RNF144B: variants seen among roughly 807,000 people sequenced by gnomAD.
The protein encoded by RNF144B is E3 ubiquitin-protein ligase RNF144B.
In RNF144B, 25 loss-of-function variants were observed where a neutral mutation model predicts 40.2. That is an observed-to-expected ratio of 0.62 (90% confidence interval 0.45 to 0.87). The LOEUF is 0.87. RNF144B is among the 40% of genes least tolerant of loss of function. The pLI, the probability that RNF144B is intolerant of heterozygous loss-of-function variation, is 0.00. For synonymous variants in RNF144B, 145 were observed against 136.3 expected (o/e 1.06, Z -0.44); for missense variants, 365 against 373.7 (o/e 0.98, Z 0.19).
rs949805091 is a variant in RNF144B at position 18,412,025 on chromosome 6, A to C, written c.165+12326A>C. On this transcript the variant is annotated intron_variant, in intron 2 of 7. Transcript: ENST00000259939. This position sits in a 1 kb window ranked among gnomAD's most constrained non-coding sequence, Gnocchi z 4.2. ...TAACTGGGCCCCTCCTAAATAATGG[A>C]TTTTAAGGTTGTTTCTAGTTTTTGC... is the stretch of plus-strand genomic sequence containing the variant. 1.3e-5 allele frequency among the ~76,000 whole-genome samples: 2 copies of C among 152,104 alleles called. No individual in the cohort carries two copies. The highest frequency in any genetic ancestry group is 4.8e-5 in the African/African-American group (2 of 41,410).
rs5874640 is a variant in RNF144B at position 18,436,905 on chromosome 6, GTT to G, written c.271-2770_271-2769del. 1.0e-3 allele frequency among the ~76,000 whole-genome samples: 153 copies of G among 150,648 alleles called. No homozygotes were observed. In the East Asian group the frequency reaches 0.021, roughly 21 times the overall value. Reference sequence around the variant, plus strand: ...AACCTTTTGTATCATTTGTTGTTGTGTTTTTTTTTTGTACAGCTCTCATCTAA... The same window carrying G: ...AACCTTTTGTATCATTTGTTGTTGTGTTTTTTTTGTACAGCTCTCATCTAA... On this transcript the variant is annotated intron_variant, in intron 3 of 7. Transcript: ENST00000259939.
rs575669523 is a variant in RNF144B, at chr6:18,440,971, G to A, written c.331+1227G>A. ...TGCTCTATATCCAGATGTGAAGTAG[G>A]AAATAGTTTATAATGTTGAACATGG... On this transcript the variant is annotated intron_variant, in intron 4 of 7. Coordinates refer to ENST00000259939, the MANE Select transcript of RNF144B (RefSeq NM_182757.4). Among the ~76,000 whole-genome samples, 18 of 152,142 alleles carry A rather than the reference G, an allele frequency of 1.2e-4. 1 individual carries two copies. In the East Asian group the frequency reaches 3.5e-3, roughly 29 times the overall value.
chr6:18,439,993 A>G (rs961989741), intron 4 of RNF144B, among the ~76,000 whole-genome samples: 10 of 152,162 alleles, frequency 6.6e-5, no homozygotes, highest in Non-Finnish European at 5.9e-5. Context: ...TGGCTCATGT[A>G]AGAAAGGTTT....
At chr6:18,407,167 C>G (rs1794927562) in intron 2 of RNF144B, among the ~76,000 whole-genome samples, 1 of 152,086 alleles carries the variant, frequency 6.6e-6, no homozygotes, top group Admixed American at 6.6e-5. Context: ...CACACACATG[C>G]CCAGAAATGA....
chr6:18,425,063 G>GTGTT lies in RNF144B; in HGVS notation c.166-2515_166-2514insTTGT, dbSNP rs1364360396. Among the ~76,000 whole-genome samples, 1 of 152,102 alleles carries GTGTT rather than the reference G, an allele frequency of 6.6e-6. No homozygotes were observed. Among genetic ancestry groups the GTGTT allele is most frequent in the African/African-American group, 2.4e-5 (1 of 41,394 alleles). On this transcript the variant is annotated intron_variant, in intron 2 of 7. Transcript: ENST00000259939. The surrounding 1 kb of genome is among the most constrained non-coding windows in gnomAD (Gnocchi z 4.2). ...TGTATGTGTGTATGTGTGGGTGTGT[G>GTGTT]TGTGTGTGTGTTAAAACCTGTGAGG... is the stretch of plus-strand genomic sequence containing the variant.
intron 2 of RNF144B, among the ~76,000 whole-genome samples, chr6:18,426,749 T>C (rs1207018585): frequency 2.2e-5 from 3 of 137,810 alleles, no homozygotes; most frequent in African/African-American, 7.5e-5. Flanking sequence ...AGTTTCTTTT[T>C]TCTATTCAAT....
rs1464846642 is a variant in RNF144B, at chr6:18,467,563, A to G, written c.*2496A>G. ...CAGAATCAACAAAACTAGGTTGGTTAAACATATCTCTGGTACATCAAGGGG... is the reference window on the plus strand; with the variant it reads ...CAGAATCAACAAAACTAGGTTGGTTGAACATATCTCTGGTACATCAAGGGG... On this transcript the variant is annotated 3_prime_UTR_variant, in exon 8 of 8. Transcript: ENST00000259939. 1 of 152,100 alleles carries G rather than the reference A, an allele frequency of 6.6e-6. No individual in the cohort carries two copies. The highest frequency in any genetic ancestry group is 1.5e-5 in the Non-Finnish European group (1 of 68,020). The allele number at this position is 152,100 out of a possible 1,614,324, so 9.4% of individuals were successfully genotyped here.
chr6:18,394,978 G>T (rs908716643), intron 1 of RNF144B, among the ~76,000 whole-genome samples: 1 of 152,166 alleles, frequency 6.6e-6, no homozygotes, highest in Non-Finnish European at 1.5e-5. Context: ...ATATAAGCAA[G>T]TGATACCTGC....
chr6:18,396,857 TAAAG>T (rs1794703415), intron 1 of RNF144B: 16 of 982,652 alleles, frequency 1.6e-5, no homozygotes, highest in African/African-American at 5.2e-5. Flanking sequence ...ATGTTTATCA[TAAAG>T]AGAGATTTTT....
intron 4 of RNF144B, among the ~76,000 whole-genome samples, chr6:18,445,097 C>T (rs1759051117): frequency 1.3e-5 from 2 of 152,002 alleles, no homozygotes; most frequent in African/African-American, 4.8e-5. Flanking sequence ...TTTTTAACAC[C>T]TCCCATCTCT....
Position 18,464,663 on chromosome 6 carries a change from T to TG in RNF144B, c.772-264_772-263insG, listed in dbSNP as rs1184957084. ...TTTTTTGCTGTGTCTTCACATGGCA[T>TG]AGAGCCTAGAGAAAGAAAGCAAGCT... On this transcript the variant is annotated intron_variant, in intron 7 of 7. Coordinates refer to ENST00000259939, the MANE Select transcript of RNF144B (RefSeq NM_182757.4). This position sits in a 1 kb window ranked among gnomAD's most constrained non-coding sequence, Gnocchi z 6.1. 6.6e-6 allele frequency among the ~76,000 whole-genome samples: 1 copy of TG among 152,188 alleles called. No individual in the cohort carries two copies. Among genetic ancestry groups the TG allele is most frequent in the Non-Finnish European group, 1.5e-5 (1 of 68,038 alleles).
Position 18,400,480 on chromosome 6 carries a change from CCTT to C in RNF144B, c.165+785_165+787del, listed in dbSNP as rs147063831. Among the ~76,000 whole-genome samples, 295 of 152,192 alleles carry C rather than the reference CCTT, an allele frequency of 1.9e-3. 1 individual carries two copies. Among genetic ancestry groups the C allele is most frequent in the African/African-American group, 6.2e-3 (259 of 41,518 alleles). On this transcript the variant is annotated intron_variant, in intron 2 of 7. Coordinates refer to ENST00000259939, the MANE Select transcript of RNF144B (RefSeq NM_182757.4). This position sits in a 1 kb window ranked among gnomAD's most constrained non-coding sequence, Gnocchi z 5.6. ...ATGCTGTTTTCACAGTATGCTGAAT[CCTT>C]CTTATTCCACTTAATGAGAGCCCTA... is the stretch of plus-strand genomic sequence containing the variant.
chr6:18,411,478 TATATATATATATATATA>T (rs1795035380), intron 2 of RNF144B, among the ~76,000 whole-genome samples: 1 of 42,324 alleles, frequency 2.4e-5, no homozygotes, highest in African/African-American at 8.6e-5. Flanking sequence ...TATATATATA[TATATATATATATATATA>T]TATTTTTTTT....
rs927853886 is a variant in RNF144B, at chr6:18,422,156, C to A, written c.166-5425C>A. ...GGTTGTTAATTTGTCTGAATATTTT[C>A]AAACCAGGATGCTTTTGGTGTGTTG... On this transcript the variant is annotated intron_variant, in intron 2 of 7. Coordinates refer to ENST00000259939, the MANE Select transcript of RNF144B (RefSeq NM_182757.4). The surrounding 1 kb of genome is among the most constrained non-coding windows in gnomAD (Gnocchi z 4.7). Among the ~76,000 whole-genome samples, 1 of 152,160 alleles carries A rather than the reference C, an allele frequency of 6.6e-6. No individual in the cohort carries two copies. Among genetic ancestry groups the A allele is most frequent in the African/African-American group, 2.4e-5 (1 of 41,436 alleles).
chr6:18,459,801 A>T lies in RNF144B; in HGVS notation c.681+50A>T. ...ATGGTGTTTCCTATACTGTATCTGC[A>T]CCACAGCTGATATCCTACAGATTTT... is the stretch of plus-strand genomic sequence containing the variant. On this transcript the variant is annotated intron_variant, in intron 6 of 7. Coordinates refer to ENST00000259939, the MANE Select transcript of RNF144B (RefSeq NM_182757.4). The surrounding 1 kb of genome is among the most constrained non-coding windows in gnomAD (Gnocchi z 4.2). The T allele has an allele frequency of 6.7e-7, 1 of 1,495,418 alleles. No homozygotes were observed. The highest frequency in any genetic ancestry group is 9.1e-7 in the Non-Finnish European group (1 of 1,093,468). 92.6% of individuals were successfully genotyped at this position (1,495,418 alleles called of 1,614,324 possible).
intron 3 of RNF144B, among the ~76,000 whole-genome samples, chr6:18,438,381 G>A (rs1758872031): frequency 6.6e-6 from 1 of 152,004 alleles, no homozygotes; most frequent in South Asian, 2.1e-4. Context: ...TTTTTGTAAA[G>A]ATTGCTAAGG....
chr6:18,451,093 A>T (rs1170241507), intron 4 of RNF144B, among the ~76,000 whole-genome samples: 1 of 152,144 alleles, frequency 6.6e-6, no homozygotes, highest in African/African-American at 2.4e-5. Flanking sequence ...CCTCATCAAT[A>T]TTTGTTGATA....
Position 18,458,994 on chromosome 6 carries a change from A to G in RNF144B, c.537-613A>G, listed in dbSNP as rs564180603. ...GGTTATTGTTCATACGAAGTCTGAT[A>G]ATAGATTTGACAACACTCTGTGAGT... On this transcript the variant is annotated intron_variant, in intron 5 of 7. Coordinates refer to ENST00000259939, the MANE Select transcript of RNF144B (RefSeq NM_182757.4). The surrounding 1 kb of genome is among the most constrained non-coding windows in gnomAD (Gnocchi z 4.8). 1.3e-5 allele frequency among the ~76,000 whole-genome samples: 2 copies of G among 152,312 alleles called. No individual in the cohort carries two copies. The highest frequency in any genetic ancestry group is 4.8e-5 in the African/African-American group (2 of 41,570).
intron 1 of RNF144B, among the ~76,000 whole-genome samples, chr6:18,388,802 T>C (rs192697601): frequency 7.6e-4 from 94 of 123,190 alleles, no homozygotes; most frequent in African/African-American, 2.5e-3. Context: ...CACCTTTGAC[T>C]GGCATTTTTT....
Sources: gnomAD v4.1 joint callset for allele counts (sites outside exome capture counted in the v4.1 genomes callset) on GRCh38, gnomAD v4.1.1 for gene constraint, Gnocchi (gnomAD v3.1) non-coding constraint, MANE v1.5 for transcripts, NCBI Gene and HGNC (gene_info 2026-07-23, HGNC 2026-07-21) for gene names.